Variants in RFX4 observed in about 807,000 individuals in gnomAD.
The protein encoded by RFX4 is regulatory factor X4.
A neutral mutation model predicts 95.0 loss-of-function variants in RFX4; 10 were observed. That is an observed-to-expected ratio of 0.11 (90% CI 0.06 to 0.18). RFX4 has a LOEUF of 0.18. RFX4 is among the 10% of genes least tolerant of loss of function. RFX4 has a pLI of 1.00. For synonymous variants in RFX4, 321 were observed against 340.7 expected, an observed-to-expected ratio of 0.94 and a Z score of 0.64; for missense variants, 640 against 922.0, an observed-to-expected ratio of 0.69 and a Z score of 3.96.
At chr12:106,641,959 A>ATCTATG (rs1454975677) in intron 3 of RFX4, among the ~76,000 whole-genome samples, 14 of 125,822 alleles carry the variant, frequency 1.1e-4, no homozygotes, top group Non-Finnish European at 4.9e-5. Flanking sequence ...ATCTATCTAT[A>ATCTATG]TCTATATCTA....
chr12:106,608,147 C>G (rs1026125701), intron 1 of RFX4, among the ~76,000 whole-genome samples: 20 of 152,168 alleles, frequency 1.3e-4, no homozygotes, highest in African/African-American at 4.8e-4. Context: ...CGAGATCACG[C>G]CATTGCACTT....
Position 106,761,134 on chromosome 12 carries a change from A to G in RFX4, c.1936-63A>G. On this transcript the variant is annotated intron_variant, in intron 17 of 17. Coordinates refer to ENST00000392842, the MANE Select transcript of RFX4 (RefSeq NM_213594.3). ...TTAACTTAAACTATAAACATGACTG[A>G]TATTGTGTATATGCAACCTCAAGCT... The G allele has an allele frequency of 4.0e-6, 6 of 1,518,322 alleles. 1 individual carries two copies. The highest frequency in any genetic ancestry group is 5.4e-6 in the Non-Finnish European group (6 of 1,110,316). 94.1% of individuals were successfully genotyped at this position (1,518,322 alleles called of 1,614,324 possible).
chr12:106,629,685 G>A (rs2040377206), intron 2 of RFX4, among the ~76,000 whole-genome samples: 2 of 152,024 alleles, frequency 1.3e-5, no homozygotes, highest in Non-Finnish European at 2.9e-5. Flanking sequence ...ATGTTGCTAA[G>A]GCTGGTTGAA....
chr12:106,593,263 A>C (rs774480205), intron 1 of RFX4, among the ~76,000 whole-genome samples: 11 of 152,244 alleles, frequency 7.2e-5, no homozygotes, highest in Non-Finnish European at 1.5e-4. Context: ...AACCCGGTGA[A>C]GGTTAGTTAG....
intron 3 of RFX4, among the ~76,000 whole-genome samples, chr12:106,645,372 C>T (rs2040724316): frequency 6.6e-6 from 1 of 152,120 alleles, no homozygotes; most frequent in Non-Finnish European, 1.5e-5. Flanking sequence ...TCGCCCGCCA[C>T]CCTTGCCGCC....
At chr12:106,608,199 A>C (rs2039878554) in intron 1 of RFX4, among the ~76,000 whole-genome samples, 1 of 152,078 alleles carries the variant, frequency 6.6e-6, no homozygotes, top group African/African-American at 2.4e-5. Context: ...CAAAAACACA[A>C]AAAAAGAGGG....
chr12:106,607,034 C>A (rs1194457956), intron 1 of RFX4, among the ~76,000 whole-genome samples: 1 of 152,108 alleles, frequency 6.6e-6, no homozygotes, highest in Non-Finnish European at 1.5e-5. Flanking sequence ...GTTGTGAGGA[C>A]TCAATGAAAT....
chr12:106,677,094 A>G (rs1474123626), intron 4 of RFX4, among the ~76,000 whole-genome samples: 1 of 152,168 alleles, frequency 6.6e-6, no homozygotes, highest in African/African-American at 2.4e-5. Context: ...GTGATGATTA[A>G]CTGAGATAAT....
At chr12:106,601,111 G>A (rs2039696058) in intron 1 of RFX4, 1 of 1,413,284 alleles carries the variant, frequency 7.1e-7, no homozygotes, top group South Asian at 1.6e-5. Context: ...CTGGAACCCA[G>A]CAGCCCCTGG....
At chr12:106,725,676 G>A (rs1053066909) in intron 13 of RFX4, among the ~76,000 whole-genome samples, 3 of 151,944 alleles carry the variant, frequency 2.0e-5, no homozygotes, top group Non-Finnish European at 2.9e-5. Flanking sequence ...ATTTATGGAG[G>A]AAAATGGAAA....
intron 11 of RFX4, among the ~76,000 whole-genome samples, chr12:106,716,873 G>T (rs185427979): frequency 6.6e-6 from 1 of 152,060 alleles, no homozygotes; most frequent in Non-Finnish European, 1.5e-5. Flanking sequence ...TAGAGAGTTG[G>T]TGAACCTAAC....
intron 4 of RFX4, among the ~76,000 whole-genome samples, chr12:106,675,353 C>G (rs1228182113): frequency 6.6e-6 from 1 of 152,142 alleles, no homozygotes; most frequent in Non-Finnish European, 1.5e-5. Context: ...ATCACTTGAA[C>G]CCAGGAGGCA....
At chr12:106,608,746 T>C in intron 1 of RFX4, 51 bp from the exon 2 acceptor site, 5 of 1,517,862 alleles carry the variant, frequency 3.3e-6, no homozygotes, top group Non-Finnish European at 4.4e-6. Flanking sequence ...AATTCTGTGA[T>C]TTTCTTTTTT....
intron 2 of RFX4, among the ~76,000 whole-genome samples, chr12:106,635,466 C>T (rs1386355630): frequency 6.6e-6 from 1 of 151,954 alleles, no homozygotes; most frequent in Non-Finnish European, 1.5e-5. Context: ...GTGTGCGCCA[C>T]GATGCCCAGC....
At position 106,750,718 on chromosome 12, in the gene RFX4, G is replaced by A; in HGVS notation, c.1860G>A (p.Gln620=). The A allele has an allele frequency of 6.2e-7, 1 of 1,611,870 alleles. No homozygotes were observed. Among genetic ancestry groups the A allele is most frequent in the Non-Finnish European group, 8.5e-7 (1 of 1,179,176 alleles). ...GNQHPHPMQS[Q]YPALPHDTAI... is the part of the protein sequence containing the mutation. Reference sequence around the variant, plus strand: ...AGCATCCTCACCCCATGCAGAGCCAGTATCCGGCCCTCCCTCATGACACAG... The same window carrying A: ...AGCATCCTCACCCCATGCAGAGCCAATATCCGGCCCTCCCTCATGACACAG... The change falls in exon 17 of 18, where the codon CAG becomes CAA. Residue 620 remains glutamine (Q), a synonymous_variant. Coordinates refer to ENST00000392842, the MANE Select transcript of RFX4 (RefSeq NM_213594.3).
At chr12:106,709,834 C>T (rs546594190) in intron 9 of RFX4, among the ~76,000 whole-genome samples, 26 of 152,278 alleles carry the variant, frequency 1.7e-4, no homozygotes, top group African/African-American at 3.1e-4. Context: ...CCCAAAGCCA[C>T]GCAGCCACAC....
At chr12:106,715,295 T>C (rs747357059) in intron 10 of RFX4, 105 bp from the exon 11 acceptor site, 306 of 1,335,856 alleles carry the variant, frequency 2.3e-4, no homozygotes, top group Non-Finnish European at 2.9e-4. Flanking sequence ...TTCAGGGTAG[T>C]TTGCAAAATA....
rs530149113 is a variant in RFX4, at chr12:106,631,074, A to C, written c.131-8258A>C. ...GATAATACTAATCATTAGGCCTAAC[A>C]TTGATTAAGCACTAAGGCACTGCAT... is the stretch of plus-strand genomic sequence containing the variant. On this transcript the variant is annotated intron_variant, in intron 2 of 17. Coordinates refer to ENST00000392842, the MANE Select transcript of RFX4 (RefSeq NM_213594.3). Among the ~76,000 whole-genome samples, 17 of 152,330 alleles carry C rather than the reference A, an allele frequency of 1.1e-4. No individual in the cohort carries two copies. In the East Asian group the frequency reaches 3.3e-3, roughly 29 times the overall value.
In RFX4 at chr12:106,608,821, A is replaced by T; in HGVS notation, c.68A>T (p.Asn23Ile). Residue 23 changes from asparagine to isoleucine, a missense_variant, in exon 2 of 18, where the codon AAC (asparagine) becomes ATC (isoleucine). By Grantham distance (149) the Asn-to-Ile change is moderately radical. Coordinates refer to ENST00000392842, the MANE Select transcript of RFX4 (RefSeq NM_213594.3). ...GAGAGCTGGATTGAAAGATGTCTCA[A>T]CGAAAGTGAAAACAAACGTTATTCC... ...STESWIERCL[N>I]ESENKRYSSH... 1 of 1,610,034 alleles carries T rather than the reference A, an allele frequency of 6.2e-7. No individual in the cohort carries two copies.
Sources: allele counts gnomAD v4.1 joint callset (sites outside exome capture counted in the v4.1 genomes callset), GRCh38; gene constraint gnomAD v4.1.1; transcripts MANE v1.5; gene names NCBI Gene and HGNC (gene_info 2026-07-23, HGNC 2026-07-21).